Variants in TSPAN12 observed in about 807,000 individuals in gnomAD.
TSPAN12 encodes the protein tetraspanin 12, also known as tetraspanin-12.
A neutral mutation model predicts 39.2 loss-of-function variants in TSPAN12; 19 were observed. The ratio of observed to expected loss-of-function variants is 0.49; its 90% CI spans 0.34 to 0.71. The LOEUF (loss-of-function observed/expected upper bound fraction) is 0.71. Ranked by LOEUF, TSPAN12 falls within the 30% of genes least tolerant of loss-of-function variation. TSPAN12 has a pLI of 0.01. For synonymous variants in TSPAN12, 119 were observed against 124.8 expected (o/e 0.95, Z 0.31); for missense variants, 314 against 359.9 (o/e 0.87, Z 1.03).
intron 2 of TSPAN12, among the ~76,000 whole-genome samples, chr7:120,847,141 T>C (rs1392000573): frequency 6.6e-6 from 1 of 151,640 alleles, no homozygotes; most frequent in Non-Finnish European, 1.5e-5. Context: ...CTTTTAGCTA[T>C]ATGACATTCA....
At chr7:120,841,135 C>T (rs1171118848) in intron 2 of TSPAN12, among the ~76,000 whole-genome samples, 2 of 152,116 alleles carry the variant, frequency 1.3e-5, no homozygotes, top group Admixed American at 1.3e-4. Context: ...GCAGATGATC[C>T]AGACCACACT....
At chr7:120,802,959 A>T (rs1252106679) in intron 7 of TSPAN12, among the ~76,000 whole-genome samples, 1 of 152,194 alleles carries the variant, frequency 6.6e-6, no homozygotes, top group Non-Finnish European at 1.5e-5. Flanking sequence ...CCTTGACTTC[A>T]GACTACTGAA....
rs79707924 is a variant in TSPAN12 at position 120,840,221 on chromosome 7, T to C, written c.67-112A>G. ...TACATAATATCTTTCCCAATTACCA[T>C]TTGCTGCATCTTGAAATTTACTATT... is the stretch of plus-strand genomic sequence containing the variant. On this transcript the variant is annotated intron_variant, in intron 2 of 7. Coordinates refer to ENST00000222747, the MANE Select transcript of TSPAN12 (RefSeq NM_012338.4). 7,538 of 851,122 alleles carry C rather than the reference T, an allele frequency of 8.9e-3. 69 individuals carry two copies. Among genetic ancestry groups the C allele is most frequent in the African/African-American group, 0.038 (2,248 of 59,878 alleles). 52.7% of individuals were successfully genotyped at this position (851,122 alleles called of 1,614,324 possible). A position where few individuals can be genotyped will look rare whatever the true frequency, so the allele number is the denominator to read the frequency against.
chr7:120,803,629 A>C (rs1022441024), intron 7 of TSPAN12, among the ~76,000 whole-genome samples: 3 of 152,198 alleles, frequency 2.0e-5, no homozygotes, highest in Non-Finnish European at 4.4e-5. Context: ...GGTTACTCTG[A>C]TATAATAAGC....
At chr7:120,848,875 C>T (rs981891866) in intron 2 of TSPAN12, among the ~76,000 whole-genome samples, 1 of 152,144 alleles carries the variant, frequency 6.6e-6, no homozygotes, top group Non-Finnish European at 1.5e-5. Context: ...ATAGTGCATG[C>T]CTATAGCAAG....
At chr7:120,830,388 A>T (rs1386303968) in intron 4 of TSPAN12, among the ~76,000 whole-genome samples, 1 of 152,140 alleles carries the variant, frequency 6.6e-6, no homozygotes, top group Admixed American at 6.6e-5. Context: ...ACACTACCTG[A>T]TTTCAAAATA....
At chr7:120,834,333 A>G (rs1003539953) in intron 4 of TSPAN12, among the ~76,000 whole-genome samples, 1 of 152,166 alleles carries the variant, frequency 6.6e-6, no homozygotes, top group Non-Finnish European at 1.5e-5. Context: ...GGGTGCTTTA[A>G]CAACTTACAT....
intron 4 of TSPAN12, among the ~76,000 whole-genome samples, chr7:120,823,787 G>T (rs968844386): frequency 1.1e-4 from 17 of 152,182 alleles, no homozygotes; most frequent in African/African-American, 3.6e-4. Context: ...CAGGATAAAT[G>T]ACTGCAATGT....
intron 7 of TSPAN12, among the ~76,000 whole-genome samples, chr7:120,802,376 C>A (rs1793791102): frequency 6.6e-6 from 1 of 152,172 alleles, no homozygotes; most frequent in Non-Finnish European, 1.5e-5. Context: ...TCTCAGTTCA[C>A]ATATCACCTC....
At chr7:120,826,967 C>A (rs1794300270) in intron 4 of TSPAN12, among the ~76,000 whole-genome samples, 1 of 152,200 alleles carries the variant, frequency 6.6e-6, no homozygotes. Context: ...AAGTGATCCA[C>A]CTGCCTCGGC....
rs545129654 is a variant in TSPAN12 at position 120,788,258 on chromosome 7, T to A, written c.*334A>T. The A allele has an allele frequency of 1.8e-3, 603 of 334,220 alleles. 5 individuals carry two copies. The highest frequency in any genetic ancestry group is 5.4e-3 in the South Asian group (169 of 31,558). The allele number at this position is 334,220 out of a possible 1,614,324, so 20.7% of individuals were successfully genotyped here. On this transcript the variant is annotated 3_prime_UTR_variant, in exon 8 of 8. Transcript: ENST00000222747. ...AAATCAACCTTTACTATGGCTCCAG[T>A]CCCACCATATGTGACTCGTTTGCAT...
chr7:120,844,293 T>C (rs1794632425), intron 2 of TSPAN12, among the ~76,000 whole-genome samples: 1 of 152,146 alleles, frequency 6.6e-6, no homozygotes, highest in Admixed American at 6.5e-5. Flanking sequence ...ATTCAACCCC[T>C]GGCCCCTCCC....
At chr7:120,805,636 T>C (rs977234716) in intron 7 of TSPAN12, among the ~76,000 whole-genome samples, 1 of 152,108 alleles carries the variant, frequency 6.6e-6, no homozygotes. Flanking sequence ...ATTCACATTT[T>C]ACATTTCCAT....
chr7:120,846,116 G>A (rs922514769), intron 2 of TSPAN12, among the ~76,000 whole-genome samples: 2 of 152,116 alleles, frequency 1.3e-5, no homozygotes, highest in Non-Finnish European at 2.9e-5. Context: ...AGAGAAGGGG[G>A]AGGTGCTACA....
intron 7 of TSPAN12, among the ~76,000 whole-genome samples, chr7:120,793,379 C>G (rs1470165473): frequency 6.6e-6 from 1 of 152,204 alleles, no homozygotes; most frequent in African/African-American, 2.4e-5. Context: ...TGACACATCA[C>G]ATAGTTGGGA....
Position 120,788,289 on chromosome 7 carries a change from C to T in TSPAN12, c.*303G>A, listed in dbSNP as rs1268006281. 5 of 394,984 alleles carry T rather than the reference C, an allele frequency of 1.3e-5. No homozygotes were observed. Among genetic ancestry groups the T allele is most frequent in the Non-Finnish European group, 1.9e-5 (4 of 212,920 alleles). 24.5% of individuals were successfully genotyped at this position (394,984 alleles called of 1,614,324 possible). ...CATATGTGACTCGTTTGCATGGATG[C>T]GGAAATGCTAATCAAACCATGCTGC... On this transcript the variant is annotated 3_prime_UTR_variant, in exon 8 of 8. Coordinates refer to ENST00000222747, the MANE Select transcript of TSPAN12 (RefSeq NM_012338.4).
At chr7:120,855,376 A>G (rs924829304) in intron 2 of TSPAN12, among the ~76,000 whole-genome samples, 8 of 152,208 alleles carry the variant, frequency 5.3e-5, no homozygotes, top group Non-Finnish European at 1.2e-4. Context: ...GTGGAATGTG[A>G]TGATTCTATA....
At chr7:120,802,509 GT>G (rs113036693) in intron 7 of TSPAN12, among the ~76,000 whole-genome samples, 105 of 150,774 alleles carry the variant, frequency 7.0e-4, no homozygotes, top group African/African-American at 2.2e-3. Flanking sequence ...TTCTATTGCT[GT>G]TTTTTTTTCT....
At chr7:120,825,477 G>A (rs542108488) in intron 4 of TSPAN12, among the ~76,000 whole-genome samples, 1 of 152,158 alleles carries the variant, frequency 6.6e-6, no homozygotes, top group African/African-American at 2.4e-5. Context: ...GGTGCCTTTT[G>A]ACTCCTATCT....
Sources: allele counts gnomAD v4.1 joint callset (sites outside exome capture counted in the v4.1 genomes callset), GRCh38; gene constraint gnomAD v4.1.1; transcripts MANE v1.5; gene names NCBI Gene and HGNC (gene_info 2026-07-23, HGNC 2026-07-21).